The following KIF24 variants were observed in gnomAD, a reference collection of about 807,000 sequenced individuals.
The protein encoded by KIF24 is kinesin-like protein KIF24.
Under a neutral mutation model 118.9 loss-of-function variants are expected in KIF24, and 81 were observed. That is an observed-to-expected ratio of 0.68 (90% CI 0.57 to 0.82). The LOEUF is 0.82. Ranked by LOEUF, KIF24 falls within the 40% of genes least tolerant of loss-of-function variation. KIF24 has a pLI of 0.00. For missense variants in KIF24, 1,560 were observed against 1,661.6 expected (o/e 0.94, Z 1.06); for synonymous variants, 599 against 610.0 (o/e 0.98, Z 0.27).
intron 8 of KIF24, 32 bp from the exon 9 acceptor site, chr9:34,263,204 T>C (rs774774144): frequency 1.3e-6 from 2 of 1,567,552 alleles, no homozygotes; most frequent in Admixed American, 1.7e-5. Flanking sequence ...ACATCAAGTA[T>C]CAAGTGCAAA....
upstream of KIF24, among the ~76,000 whole-genome samples, chr9:34,330,134 T>C (rs1837854622): frequency 6.6e-6 from 1 of 152,232 alleles, no homozygotes; most frequent in Non-Finnish European, 1.5e-5. Context: ...CCGGGTGCGG[T>C]GGCTCACGCC....
At position 34,297,006 on chromosome 9, in the gene KIF24, C is replaced by T. The variant is rs771652383; in HGVS notation, c.911+11G>A. 5.8e-6 allele frequency: 8 copies of T among 1,376,306 alleles called. No individual in the cohort carries two copies. The highest frequency in any genetic ancestry group is 8.0e-6 in the Non-Finnish European group (8 of 999,750). 85.3% of individuals were successfully genotyped at this position (1,376,306 alleles called of 1,614,324 possible). A position where few individuals can be genotyped will look rare whatever the true frequency, so the allele number is the denominator to read the frequency against. On this transcript the variant is annotated intron_variant, in intron 4 of 12. Transcript: ENST00000402558. Reference sequence around the variant, plus strand: ...ATAAAAAGCAAAAAAAGCAAATAATCATTATCGTACCCATTGAAAATATGC... The same window carrying T: ...ATAAAAAGCAAAAAAAGCAAATAATTATTATCGTACCCATTGAAAATATGC...
Position 34,257,916 on chromosome 9 carries a change from C to T in KIF24, c.1691G>A (p.Gly564Glu). The T allele has an allele frequency of 6.2e-7, 1 of 1,613,950 alleles. No individual in the cohort carries two copies. Among genetic ancestry groups the T allele is most frequent in the Non-Finnish European group, 8.5e-7 (1 of 1,179,852 alleles). The change falls in exon 11 of 13, where the codon GGA becomes GAA. Residue 564 changes from glycine (G) to glutamate (E), a missense_variant. Transcript: ENST00000402558. ...CTGAATTCGTTTTGGAGAGGAGTTT[C>T]CAGATGTCCGATTTCGACTGGTAAC... ...TSVTSRNRTS[G>E]NSSPKRIQSS...
At chr9:34,284,964 T>G (rs931710860) in intron 6 of KIF24, among the ~76,000 whole-genome samples, 24 of 152,152 alleles carry the variant, frequency 1.6e-4, no homozygotes, top group African/African-American at 5.8e-4. Context: ...GAACACTGCA[T>G]TAAAGGAAGG....
At chr9:34,311,691 T>C (rs1396105342) in intron 1 of KIF24, among the ~76,000 whole-genome samples, 1 of 148,146 alleles carries the variant, frequency 6.8e-6, no homozygotes, top group Non-Finnish European at 1.5e-5. Flanking sequence ...TATATATACG[T>C]ATATATGTAC....
Position 34,310,618 on chromosome 9 carries a change from A to G in KIF24, c.623+106T>C. The G allele has an allele frequency of 7.0e-6, 5 of 712,896 alleles. No individual in the cohort carries two copies. In the South Asian group the frequency reaches 1.1e-4, roughly 16 times the overall value. The allele number at this position is 712,896 out of a possible 1,614,324, so 44.2% of individuals were successfully genotyped here. A position where few individuals can be genotyped will look rare whatever the true frequency, so the allele number is the denominator to read the frequency against. ...GTTCATGATAATTTCTGTTATATTCATTTACTATAAATAAGGAGTAGATGC... is the reference window on the plus strand; with the variant it reads ...GTTCATGATAATTTCTGTTATATTCGTTTACTATAAATAAGGAGTAGATGC... On this transcript the variant is annotated intron_variant, in intron 2 of 12. Transcript: ENST00000402558.
In KIF24 at chr9:34,322,817, CTG is replaced by C. The variant is rs1475952712; in HGVS notation, c.-26+6287_-26+6288del. On this transcript the variant is annotated intron_variant, in intron 1 of 12. Transcript: ENST00000402558. ...GTTGCAGTGAGCCAAGATTGCGCCA[CTG>C]CACTCCAGCCTGGGCAACAGAGTGA... 1.6e-4 allele frequency among the ~76,000 whole-genome samples: 25 copies of C among 152,102 alleles called. 1 individual carries two copies. Among genetic ancestry groups the C allele is most frequent in the African/African-American group, 6.0e-4 (25 of 41,408 alleles).
chr9:34,331,131 A>G (rs1343056476), upstream of KIF24, among the ~76,000 whole-genome samples: 2 of 152,234 alleles, frequency 1.3e-5, no homozygotes, highest in Non-Finnish European at 2.9e-5. Context: ...CAAAAGATAA[A>G]TTATTTTTCT....
At chr9:34,302,123 T>C (rs951113548) in intron 3 of KIF24, among the ~76,000 whole-genome samples, 2 of 150,972 alleles carry the variant, frequency 1.3e-5, no homozygotes, top group African/African-American at 4.9e-5. Context: ...GCCTCCCTAG[T>C]AGCTGGGACT....
rs1468625042 is a variant in KIF24, at chr9:34,252,893, T to G, written c.*1487A>C. The G allele has an allele frequency of 2.0e-5, 3 of 152,172 alleles. No individual in the cohort carries two copies. Among genetic ancestry groups the G allele is most frequent in the Non-Finnish European group, 4.4e-5 (3 of 68,050 alleles). The allele number at this position is 152,172 out of a possible 1,614,324, so 9.4% of individuals were successfully genotyped here. On this transcript the variant is annotated 3_prime_UTR_variant, in exon 13 of 13. Coordinates refer to ENST00000402558, the MANE Select transcript of KIF24 (RefSeq NM_194313.4). ...CACAAGCAGAGGATGGGATTTAAAC[T>G]GTTTCACCAGCTCTCAGTGGTGCTG... is the stretch of plus-strand genomic sequence containing the variant.
chr9:34,304,561 C>G (rs1407351007), intron 3 of KIF24, among the ~76,000 whole-genome samples: 5 of 152,082 alleles, frequency 3.3e-5, no homozygotes, highest in African/African-American at 1.2e-4. Flanking sequence ...AGCCATGGAA[C>G]TAGATAGCAT....
At position 34,257,421 on chromosome 9, in the gene KIF24, T is replaced by C. The variant is rs1433547593; in HGVS notation, c.2186A>G (p.His729Arg). 1 of 1,614,036 alleles carries C rather than the reference T, an allele frequency of 6.2e-7. No individual in the cohort carries two copies. Among genetic ancestry groups the C allele is most frequent in the Non-Finnish European group, 8.5e-7 (1 of 1,179,900 alleles). ...RVELSFGNAH[H>R]RAEYSQDSQR... The stretch of plus-strand genomic sequence containing the variant: ...GCTGTCTTGACTGTACTCAGCCCTG[T>C]GGTGGGCGTTGCCAAAGGAGAGCTC... Residue 729 changes from histidine to arginine, a missense_variant, in exon 11 of 13, where the codon CAC becomes CGC. His to Arg is a conservative substitution (Grantham distance 29). Around this residue, in one of 3 missense-constraint regions of KIF24, gnomAD observed 964 missense variants for 988.0 expected, o/e 0.98. Coordinates refer to ENST00000402558, the MANE Select transcript of KIF24 (RefSeq NM_194313.4).
chr9:34,270,145 C>T (rs968937411), intron 7 of KIF24, among the ~76,000 whole-genome samples: 30 of 151,308 alleles, frequency 2.0e-4, no homozygotes, highest in Admixed American at 7.9e-4. Context: ...CACTTGAACC[C>T]GGGAGGCGGA....
At chr9:34,303,827 C>T (rs1235906767) in intron 3 of KIF24, among the ~76,000 whole-genome samples, 2 of 152,072 alleles carry the variant, frequency 1.3e-5, no homozygotes, top group East Asian at 1.9e-4. Flanking sequence ...CCAGCCTGGG[C>T]GATGGAGACA....
chr9:34,284,151 C>T (rs1835952968), intron 6 of KIF24, among the ~76,000 whole-genome samples: 1 of 151,916 alleles, frequency 6.6e-6, no homozygotes, highest in Non-Finnish European at 1.5e-5. Context: ...GCTTGTGGTC[C>T]CAGCTACTTG....
At position 34,257,910 on chromosome 9, in the gene KIF24, G is replaced by A. The variant is rs139062260; in HGVS notation, c.1697C>T (p.Ser566Phe). Residue 566 changes from serine (S) to phenylalanine (F), a missense_variant, in exon 11 of 13, where the codon TCC (serine) becomes TTC (phenylalanine). By Grantham distance (155) the Ser-to-Phe change is radical. Transcript: ENST00000402558. ...GGAGCTCTGAATTCGTTTTGGAGAG[G>A]AGTTTCCAGATGTCCGATTTCGACT... ...VTSRNRTSGN[S>F]SPKRIQSSPG... 9.3e-3 allele frequency: 15,090 copies of A among 1,613,950 alleles called. 95 individuals carry two copies. The highest frequency in any genetic ancestry group is 0.012 in the Non-Finnish European group (14,074 of 1,179,866).
intron 4 of KIF24, among the ~76,000 whole-genome samples, chr9:34,295,194 T>TAGACAGACAGAC (rs111912796): frequency 0.13 from 19,879 of 149,596 alleles, 1,455 homozygotes; most frequent in East Asian, 0.28. Flanking sequence ...GATGGATGGA[T>TAGACAGACAGAC]AGACAGACAG....
intron 4 of KIF24, among the ~76,000 whole-genome samples, chr9:34,293,477 CAAAA>C (rs35730248): frequency 8.2e-6 from 1 of 122,030 alleles, no homozygotes. Context: ...GACTCTATCT[CAAAA>C]AAAAAAAAAA....
upstream of KIF24, among the ~76,000 whole-genome samples, chr9:34,330,956 G>A (rs926529625): frequency 6.6e-6 from 1 of 150,404 alleles, no homozygotes; most frequent in African/African-American, 2.5e-5. Flanking sequence ...GGGAGACTCC[G>A]TCTCAAAAAA....
Sources: allele counts gnomAD v4.1 joint callset (sites outside exome capture counted in the v4.1 genomes callset), GRCh38; gene constraint gnomAD v4.1.1; regional missense constraint gnomAD v4.1.1; transcripts MANE v1.5; gene names NCBI Gene and HGNC (gene_info 2026-07-23, HGNC 2026-07-21).